Variants in CACNA2D1 observed in about 807,000 individuals in gnomAD.
CACNA2D1 encodes calcium voltage-gated channel auxiliary subunit alpha2delta 1.
A neutral mutation model predicts 171.5 loss-of-function variants in CACNA2D1; 53 were observed. The ratio of observed to expected loss-of-function variants is 0.31; its 90% confidence interval spans 0.25 to 0.39. The LOEUF is 0.39. CACNA2D1 is among the 10% of genes least tolerant of loss of function. The pLI, the probability that CACNA2D1 is intolerant of heterozygous loss-of-function variation, is 1.00. For synonymous variants in CACNA2D1, 442 were observed against 443.1 expected, an observed-to-expected ratio of 1.00 and a Z score of 0.03; for missense variants, 903 against 1,299.8, an observed-to-expected ratio of 0.69 and a Z score of 4.69.
intron 3 of CACNA2D1, among the ~76,000 whole-genome samples, chr7:82,251,153 A>C (rs1585223075): frequency 6.6e-6 from 1 of 152,258 alleles, no homozygotes; most frequent in East Asian, 1.9e-4. Context: ...GCCATGATGT[A>C]ATAAGAAGTT....
chr7:82,029,961 T>G (rs1175102508), intron 12 of CACNA2D1: 1 of 151,818 alleles, frequency 6.6e-6, no homozygotes, highest in Non-Finnish European at 1.5e-5. Flanking sequence ...TCAGGAAAAA[T>G]GTGTGTGTCC....
At chr7:82,053,246 C>T (rs1282709016) in intron 10 of CACNA2D1, among the ~76,000 whole-genome samples, 2 of 64,474 alleles carry the variant, frequency 3.1e-5, no homozygotes, top group East Asian at 4.3e-4. Flanking sequence ...AGCGAGACTC[C>T]GTCTCAAAAA....
chr7:82,227,662 C>G (rs145259073), intron 3 of CACNA2D1, among the ~76,000 whole-genome samples: 1 of 152,168 alleles, frequency 6.6e-6, no homozygotes, highest in Non-Finnish European at 1.5e-5. Flanking sequence ...ATTAAACTGA[C>G]TTCTGCTCTG....
chr7:82,110,559 C>T (rs924453692), intron 6 of CACNA2D1, among the ~76,000 whole-genome samples: 8 of 152,186 alleles, frequency 5.3e-5, no homozygotes, highest in South Asian at 2.1e-4. Context: ...TCTTTGCAAT[C>T]GTCCATAGGG....
At chr7:82,390,466 G>A (rs1256796549) in intron 1 of CACNA2D1, among the ~76,000 whole-genome samples, 3 of 152,076 alleles carry the variant, frequency 2.0e-5, no homozygotes, top group Non-Finnish European at 4.4e-5. Context: ...GTTGAAATAG[G>A]GTTGAAGCTT....
At chr7:82,348,629 G>A (rs1819520602) in intron 2 of CACNA2D1, among the ~76,000 whole-genome samples, 1 of 152,092 alleles carries the variant, frequency 6.6e-6, no homozygotes, top group Admixed American at 6.6e-5. Flanking sequence ...ATTTTTTGAA[G>A]TTTGTGTGTA....
intron 1 of CACNA2D1, among the ~76,000 whole-genome samples, chr7:82,358,045 G>C (rs541153435): frequency 2.8e-4 from 43 of 152,158 alleles, no homozygotes; most frequent in Non-Finnish European, 5.1e-4. Flanking sequence ...CTGTGGAGCT[G>C]GGGAAAAATT....
intron 3 of CACNA2D1, among the ~76,000 whole-genome samples, chr7:82,267,122 A>T (rs1807968525): frequency 6.6e-6 from 1 of 152,236 alleles, no homozygotes; most frequent in African/African-American, 2.4e-5. Flanking sequence ...ATCAATTTAG[A>T]TTCAAATAGA....
intron 10 of CACNA2D1, among the ~76,000 whole-genome samples, chr7:82,040,713 AC>A (rs1159924630): frequency 6.6e-6 from 1 of 152,094 alleles, no homozygotes; most frequent in Non-Finnish European, 1.5e-5. Flanking sequence ...AGTGGTTCAG[AC>A]CAGTAATCCC....
At chr7:82,396,679 T>C (rs902375825) in intron 1 of CACNA2D1, among the ~76,000 whole-genome samples, 4 of 152,216 alleles carry the variant, frequency 2.6e-5, no homozygotes, top group African/African-American at 4.8e-5. Context: ...GAAGCTTGAC[T>C]TTCCTGGCAG....
chr7:82,330,278 G>C (rs1316695314), intron 3 of CACNA2D1, among the ~76,000 whole-genome samples: 1 of 151,908 alleles, frequency 6.6e-6, no homozygotes, highest in Non-Finnish European at 1.5e-5. Context: ...AAGTTAAATT[G>C]ACTTTTTATT....
intron 34 of CACNA2D1, 44 bp from the exon 35 acceptor site, chr7:81,962,539 A>G (rs1720312049): frequency 7.6e-7 from 1 of 1,312,968 alleles, no homozygotes; most frequent in African/African-American, 1.5e-5. Context: ...TAGGGAAAAA[A>G]TGTGTTTTTA....
intron 3 of CACNA2D1, among the ~76,000 whole-genome samples, chr7:82,334,402 T>C (rs1221088896): frequency 2.0e-5 from 3 of 152,198 alleles, no homozygotes; most frequent in African/African-American, 7.2e-5. Context: ...CTATTCATAA[T>C]AGTATCCATC....
At position 81,950,349 on chromosome 7, in the gene CACNA2D1, G is replaced by T; in HGVS notation, c.*43C>A. 1 of 1,612,610 alleles carries T rather than the reference G, an allele frequency of 6.2e-7. No individual in the cohort carries two copies. Among genetic ancestry groups the T allele is most frequent in the South Asian group, 1.1e-5 (1 of 91,058 alleles). On this transcript the variant is annotated 3_prime_UTR_variant, in exon 39 of 39. Coordinates refer to ENST00000356860, the MANE Select transcript of CACNA2D1 (RefSeq NM_000722.4). ...AATTGAGGGCAGGGCTCATGTTTTGGCAGGGTCTGGAGTTTAACTATGCAG... is the reference window on the plus strand; with the variant it reads ...AATTGAGGGCAGGGCTCATGTTTTGTCAGGGTCTGGAGTTTAACTATGCAG...
chr7:82,079,341 G>T (rs1250904564), intron 7 of CACNA2D1, among the ~76,000 whole-genome samples: 1 of 152,082 alleles, frequency 6.6e-6, no homozygotes, highest in Admixed American at 6.6e-5. Flanking sequence ...TACTGGTGGA[G>T]GTGGGGTTTA....
At chr7:82,316,947 G>T (rs1554509123) in intron 3 of CACNA2D1, among the ~76,000 whole-genome samples, 1 of 152,144 alleles carries the variant, frequency 6.6e-6, no homozygotes, top group South Asian at 2.1e-4. Context: ...TTCAGGGTGA[G>T]ATTTGGGCGG....
intron 3 of CACNA2D1, among the ~76,000 whole-genome samples, chr7:82,226,096 C>T (rs1337801584): frequency 2.6e-5 from 4 of 152,084 alleles, no homozygotes; most frequent in Non-Finnish European, 4.4e-5. Context: ...GTCAAGTTTG[C>T]TTATTAAGTT....
intron 18 of CACNA2D1, 25 bp from the exon 19 acceptor site, chr7:81,997,275 G>A: frequency 7.0e-7 from 1 of 1,423,196 alleles, no homozygotes; most frequent in Non-Finnish European, 9.9e-7. Context: ...ATAATAATTA[G>A]GTACATGTAA....
At chr7:82,184,735 A>C (rs1256778886) in intron 3 of CACNA2D1, among the ~76,000 whole-genome samples, 7 of 152,194 alleles carry the variant, frequency 4.6e-5, no homozygotes, top group Admixed American at 3.9e-4. Context: ...TACAGTATAC[A>C]TCATGTTATT....
Sources: allele counts gnomAD v4.1 joint callset (sites outside exome capture counted in the v4.1 genomes callset), GRCh38; gene constraint gnomAD v4.1.1; transcripts MANE v1.5; gene names NCBI Gene and HGNC (gene_info 2026-07-23, HGNC 2026-07-21).